RABGAP1L: variants seen among roughly 807,000 people sequenced by gnomAD.
RABGAP1L encodes RAB GTPase activating protein 1 like, also known as rab GTPase-activating protein 1-like.
A neutral mutation model predicts 137.7 loss-of-function variants in RABGAP1L; 63 were observed. The observed-to-expected ratio is 0.46, with a 90% CI of 0.37 to 0.56. RABGAP1L has a LOEUF of 0.56. Ranked by LOEUF, RABGAP1L falls within the 20% of genes least tolerant of loss-of-function variation. RABGAP1L has a pLI of 0.00. For synonymous variants in RABGAP1L, 431 were observed against 433.7 expected, an observed-to-expected ratio of 0.99 and a Z score of 0.08; for missense variants, 1,095 against 1,244.0, an observed-to-expected ratio of 0.88 and a Z score of 1.80.
chr1:174,920,313 G>GATCCAGGAGGC (rs1290003006), intron 19 of RABGAP1L, among the ~76,000 whole-genome samples: 5 of 152,216 alleles, frequency 3.3e-5, no homozygotes, highest in Admixed American at 3.3e-4. Flanking sequence ...GTCTTACATG[G>GATCCAGGAGGC]ATGGCAGCAG....
chr1:174,349,007 G>A (rs1219407169), intron 11 of RABGAP1L, among the ~76,000 whole-genome samples: 2 of 149,590 alleles, frequency 1.3e-5, no homozygotes, highest in Admixed American at 6.7e-5. Context: ...GCCGGGCAGA[G>A]GCGCCCCTCA....
intron 11 of RABGAP1L, among the ~76,000 whole-genome samples, chr1:174,349,112 C>T (rs1398060058): frequency 1.0e-5 from 1 of 100,472 alleles, no homozygotes; most frequent in Non-Finnish European, 1.8e-5. Flanking sequence ...GGGCTGACAC[C>T]CCCACCTCCC....
At chr1:174,426,801 TA>T (rs1475229857) in intron 13 of RABGAP1L, among the ~76,000 whole-genome samples, 1 of 152,152 alleles carries the variant, frequency 6.6e-6, no homozygotes, top group African/African-American at 2.4e-5. Flanking sequence ...CTGAAAAAAT[TA>T]TATTTATTCT....
At chr1:174,650,511 A>C (rs1042033125) in intron 14 of RABGAP1L, among the ~76,000 whole-genome samples, 56 of 152,160 alleles carry the variant, frequency 3.7e-4, no homozygotes, top group Non-Finnish European at 4.4e-4. Flanking sequence ...ACAATTTCAG[A>C]GCCTGTTATT....
intron 13 of RABGAP1L, among the ~76,000 whole-genome samples, chr1:174,601,162 G>C (rs1295913121): frequency 2.6e-5 from 4 of 152,218 alleles, no homozygotes; most frequent in African/African-American, 9.6e-5. Context: ...GGGCTGGAGT[G>C]GCTGGGACAC....
In RABGAP1L at chr1:174,870,499, C is replaced by G. The variant is rs1573593202; in HGVS notation, c.2340+58539C>G. Among the ~76,000 whole-genome samples, 4 of 152,260 alleles carry G rather than the reference C, an allele frequency of 2.6e-5. No homozygotes were observed. In the South Asian group the frequency reaches 6.2e-4, roughly 24 times the overall value. ...ATGGCTAATTCTGGTATATGTTTGC[C>G]TACTTCCTTATCCTTTAGCTTGCAC... is the stretch of plus-strand genomic sequence containing the variant. On this transcript the variant is annotated intron_variant, in intron 19 of 25. Transcript: ENST00000681986.
At chr1:174,816,064 C>T (rs1371821258) in intron 19 of RABGAP1L, among the ~76,000 whole-genome samples, 1 of 151,076 alleles carries the variant, frequency 6.6e-6, no homozygotes, top group Non-Finnish European at 1.5e-5. Flanking sequence ...ATTTTGGCTT[C>T]AGAGACTCTG....
At chr1:174,369,349 C>G (rs147564280) in intron 11 of RABGAP1L, among the ~76,000 whole-genome samples, 81 of 152,148 alleles carry the variant, frequency 5.3e-4, no homozygotes, top group African/African-American at 1.8e-3. Context: ...GCCACCATGC[C>G]CAGCTAATTT....
intron 13 of RABGAP1L, among the ~76,000 whole-genome samples, chr1:174,537,237 G>A (rs1328905162): frequency 1.3e-5 from 2 of 152,132 alleles, no homozygotes; most frequent in African/African-American, 4.8e-5. Flanking sequence ...GAGTTGCTAT[G>A]ACAGTTCATA....
At chr1:174,915,411 T>C (rs772615534) in intron 19 of RABGAP1L, among the ~76,000 whole-genome samples, 2 of 152,180 alleles carry the variant, frequency 1.3e-5, no homozygotes, top group Non-Finnish European at 2.9e-5. Context: ...CCCCTTTTCA[T>C]GCCCTTTATA....
intron 19 of RABGAP1L, among the ~76,000 whole-genome samples, chr1:174,941,402 T>A (rs1042937392): frequency 2.6e-5 from 4 of 152,216 alleles, no homozygotes. Flanking sequence ...ACCAGAGAGT[T>A]TTCTAGTTAG....
At chr1:174,654,625 AT>A (rs201722437) in intron 14 of RABGAP1L, among the ~76,000 whole-genome samples, 56 of 152,028 alleles carry the variant, frequency 3.7e-4, no homozygotes, top group African/African-American at 1.2e-3. Flanking sequence ...GGACATTACA[AT>A]TTTTTTAAAA....
chr1:174,371,324 C>T (rs1685096675), intron 12 of RABGAP1L, among the ~76,000 whole-genome samples: 1 of 152,018 alleles, frequency 6.6e-6, no homozygotes, highest in Admixed American at 6.6e-5. Context: ...TATTATTTCA[C>T]TCAGACCGTA....
intron 1 of RABGAP1L, among the ~76,000 whole-genome samples, chr1:174,207,872 C>T (rs374213200): frequency 6.6e-6 from 1 of 151,994 alleles, no homozygotes; most frequent in Non-Finnish European, 1.5e-5. Context: ...TCTAAGTGGC[C>T]GAATTTGTGG....
intron 18 of RABGAP1L, among the ~76,000 whole-genome samples, chr1:174,779,168 C>T (rs762984943): frequency 1.3e-5 from 2 of 152,164 alleles, no homozygotes; most frequent in Non-Finnish European, 2.9e-5. Context: ...TTGAGTTGAA[C>T]TTGAGTACTG....
chr1:174,549,364 A>G (rs1666259800), intron 13 of RABGAP1L, among the ~76,000 whole-genome samples: 1 of 152,178 alleles, frequency 6.6e-6, no homozygotes, highest in Non-Finnish European at 1.5e-5. Context: ...ATTTTCTTTC[A>G]GAGGATGGGA....
chr1:174,434,151 A>ACACACACACACACCCC (rs1361968902), intron 13 of RABGAP1L, among the ~76,000 whole-genome samples: 1 of 147,518 alleles, frequency 6.8e-6, no homozygotes, highest in Admixed American at 6.7e-5. Flanking sequence ...ACACACACAC[A>ACACACACACACACCCC]CCCTGCCTGG....
intron 11 of RABGAP1L, among the ~76,000 whole-genome samples, chr1:174,358,461 G>T (rs182301689): frequency 1.3e-5 from 2 of 152,274 alleles, no homozygotes; most frequent in Admixed American, 6.5e-5. Context: ...AATGGCTGGC[G>T]GGTGGTGTAG....
chr1:174,748,667 T>G (rs1285900198), intron 17 of RABGAP1L, among the ~76,000 whole-genome samples: 1 of 144,140 alleles, frequency 6.9e-6, no homozygotes, highest in African/African-American at 2.5e-5. Flanking sequence ...GGCCAGGAGT[T>G]CAAGAATAGC....
Sources: gnomAD v4.1 joint callset for allele counts (sites outside exome capture counted in the v4.1 genomes callset) on GRCh38, gnomAD v4.1.1 for gene constraint, MANE v1.5 for transcripts, NCBI Gene and HGNC (gene_info 2026-07-23, HGNC 2026-07-21) for gene names.